The following FUCA1 variants were observed in gnomAD, a reference collection of about 807,000 sequenced individuals.
FUCA1 encodes the protein tissue alpha-L-fucosidase.
Under a neutral mutation model 56.8 loss-of-function variants are expected in FUCA1, and 52 were observed. The observed-to-expected ratio is 0.92, with a 90% CI of 0.73 to 1.15. The LOEUF (loss-of-function observed/expected upper bound fraction) is 1.15. Among genes scored for constraint, FUCA1 ranks in the 50% most tolerant of loss-of-function variants. FUCA1 has a pLI of 0.00. For missense variants in FUCA1, 568 were observed against 592.6 expected (o/e 0.96, Z 0.43); for synonymous variants, 230 against 226.6 (o/e 1.02, Z -0.14).
At position 23,867,023 on chromosome 1, in the gene FUCA1, G is replaced by A. The variant is rs1331371940; in HGVS notation, c.389+875C>T. 1.3e-5 allele frequency among the ~76,000 whole-genome samples: 2 copies of A among 152,164 alleles called. No individual in the cohort carries two copies. Among genetic ancestry groups the A allele is most frequent in the South Asian group, 2.1e-4 (1 of 4,830 alleles). On this transcript the variant is annotated intron_variant, in intron 1 of 7. Coordinates refer to ENST00000374479, the MANE Select transcript of FUCA1 (RefSeq NM_000147.5). This position sits in a 1 kb window ranked among gnomAD's most constrained non-coding sequence, Gnocchi z 4.9. ...AACGAAAACCCGGAAGATGGCTGAG[G>A]AACCAAGGTAAGGATGGAAGACTGC...
chr1:23,859,424 G>A (rs1557512715), intron 4 of FUCA1, among the ~76,000 whole-genome samples: 1 of 151,962 alleles, frequency 6.6e-6, no homozygotes, highest in South Asian at 2.1e-4. Context: ...AAAATCAGCC[G>A]GCCAGGTGGC....
At position 23,865,477 on chromosome 1, in the gene FUCA1, C is replaced by T; in HGVS notation, c.524+14G>A. The stretch of plus-strand genomic sequence containing the variant: ...TCCAAAGAGATAACAGAGTAACCAT[C>T]CCTGGACACTCACCTCTTCCGGAGA... On this transcript the variant is annotated intron_variant, in intron 2 of 7. Coordinates refer to ENST00000374479, the MANE Select transcript of FUCA1 (RefSeq NM_000147.5). 1 of 1,614,124 alleles carries T rather than the reference C, an allele frequency of 6.2e-7. No homozygotes were observed. Among genetic ancestry groups the T allele is most frequent in the Non-Finnish European group, 8.5e-7 (1 of 1,179,986 alleles).
At chr1:23,851,378 A>G (rs1639253983) in intron 5 of FUCA1, among the ~76,000 whole-genome samples, 1 of 131,398 alleles carries the variant, frequency 7.6e-6, no homozygotes, top group African/African-American at 2.9e-5. Context: ...AAATAAATAA[A>G]TATACACATA....
intron 5 of FUCA1, among the ~76,000 whole-genome samples, chr1:23,853,454 C>T (rs1168557869): frequency 6.6e-6 from 1 of 151,112 alleles, no homozygotes; most frequent in East Asian, 2.0e-4. Flanking sequence ...GGGTCAGCCC[C>T]CCGCCCAGCC....
chr1:23,853,193 C>G (rs1457352570), intron 5 of FUCA1, among the ~76,000 whole-genome samples: 3 of 150,080 alleles, frequency 2.0e-5, no homozygotes, highest in African/African-American at 7.4e-5. Context: ...TGAGGAGCGT[C>G]TCTGCCCAGC....
In FUCA1 at chr1:23,868,062, C is replaced by G; in HGVS notation, c.225G>C (p.Glu75Asp). The G allele has an allele frequency of 1.2e-6, 2 of 1,611,708 alleles. No homozygotes were observed. Among genetic ancestry groups the G allele is most frequent in the Non-Finnish European group, 8.5e-7 (1 of 1,179,538 alleles). Reference protein sequence around the residue: ...GVFSVPAWGSEWFWWHWQGEG... With the variant: ...GVFSVPAWGSDWFWWHWQGEG... ...CGCCCTGCCAGTGCCACCAGAACCA[C>G]TCGCTGCCCCAGGCGGGCACCGAGA... Residue 75 changes from glutamate (E) to aspartate (D), a missense_variant, in exon 1 of 8, where the codon GAG becomes GAC. Physicochemically the swap from Glu to Asp is conservative, Grantham distance 45. Coordinates refer to ENST00000374479, the MANE Select transcript of FUCA1 (RefSeq NM_000147.5).
intron 4 of FUCA1, among the ~76,000 whole-genome samples, chr1:23,857,501 C>G (rs1639416957): frequency 6.9e-6 from 1 of 145,502 alleles, no homozygotes; most frequent in East Asian, 2.0e-4. Context: ...GAAAACCACT[C>G]TTTTTTTTTT....
In FUCA1 at chr1:23,852,730, G is replaced by A. The variant is rs918656662; in HGVS notation, c.969+1630C>T. Among the ~76,000 whole-genome samples, 14 of 152,262 alleles carry A rather than the reference G, an allele frequency of 9.2e-5. No individual in the cohort carries two copies. In the East Asian group the frequency reaches 2.5e-3, roughly 27 times the overall value. On this transcript the variant is annotated intron_variant, in intron 5 of 7. Coordinates refer to ENST00000374479, the MANE Select transcript of FUCA1 (RefSeq NM_000147.5). ...TAACTGCGAGTGATCCGCCAGCCTC[G>A]GCCTCCAGAGGTGCCGGGATTGCAG...
chr1:23,863,267 T>C lies in FUCA1; in HGVS notation c.529A>G (p.Ile177Val). 1 of 1,613,048 alleles carries C rather than the reference T, an allele frequency of 6.2e-7. No homozygotes were observed. Among genetic ancestry groups the C allele is most frequent in the Non-Finnish European group, 8.5e-7 (1 of 1,179,870 alleles). ...ELGTALRKRN[I>V]RYGLYHSLLE... ...AGTGAGTGGTATAGTCCATAGCGGATGTTCCTTAAACAGAAAAACAGAACA... is the reference window on the plus strand; with the variant it reads ...AGTGAGTGGTATAGTCCATAGCGGACGTTCCTTAAACAGAAAAACAGAACA... The change falls in exon 3 of 8, where the codon ATC becomes GTC. Residue 177 changes from isoleucine to valine, a missense_variant. Ile to Val is a conservative substitution (Grantham distance 29, BLOSUM62 3). Transcript: ENST00000374479.
chr1:23,851,098 A>T (rs1015466543), intron 5 of FUCA1, among the ~76,000 whole-genome samples: 8 of 152,042 alleles, frequency 5.3e-5, no homozygotes, highest in African/African-American at 1.7e-4. Flanking sequence ...CTGTTTTTTC[A>T]TTCAGTGCTC....
chr1:23,851,383 C>CATACAT (rs1557507647), intron 5 of FUCA1, among the ~76,000 whole-genome samples: 7 of 146,974 alleles, frequency 4.8e-5, no homozygotes, highest in Admixed American at 2.1e-4. Flanking sequence ...AATAAATATA[C>CATACAT]ACATACATAC....
At chr1:23,858,495 T>G (rs1040393115) in intron 4 of FUCA1, among the ~76,000 whole-genome samples, 1 of 152,190 alleles carries the variant, frequency 6.6e-6, no homozygotes, top group African/African-American at 2.4e-5. Context: ...CAGTGAAGAT[T>G]AGGGTTTCCG....
Position 23,845,515 on chromosome 1 carries a change from G to T in FUCA1, c.*200C>A. 1.6e-6 allele frequency: 1 copy of T among 636,896 alleles called. No individual in the cohort carries two copies. 39.5% of individuals were successfully genotyped at this position (636,896 alleles called of 1,614,324 possible). On this transcript the variant is annotated 3_prime_UTR_variant, in exon 8 of 8. Transcript: ENST00000374479. ...TTCCTTCTTCTGCTGACCTGATACAGATATAATCACAATGGATCTCAGATC... is the reference window on the plus strand; with the variant it reads ...TTCCTTCTTCTGCTGACCTGATACATATATAATCACAATGGATCTCAGATC...
intron 4 of FUCA1, among the ~76,000 whole-genome samples, chr1:23,859,479 TC>T (rs1352713086): frequency 2.0e-5 from 3 of 151,076 alleles, no homozygotes; most frequent in African/African-American, 7.3e-5. Context: ...GGCAGGAGAA[TC>T]ACTTGAACTC....
rs1227826989 is a variant in FUCA1 at position 23,868,068 on chromosome 1, G to A, written c.219C>T (p.Gly73=). The A allele has an allele frequency of 6.2e-7, 1 of 1,611,652 alleles. No homozygotes were observed. Among genetic ancestry groups the A allele is most frequent in the South Asian group, 1.1e-5 (1 of 90,872 alleles). ...HWGVFSVPAW[G]SEWFWWHWQG... Reference sequence around the variant, plus strand: ...GCCAGTGCCACCAGAACCACTCGCTGCCCCAGGCGGGCACCGAGAACACGC... The same window carrying A: ...GCCAGTGCCACCAGAACCACTCGCTACCCCAGGCGGGCACCGAGAACACGC... The change falls in exon 1 of 8, where the codon GGC becomes GGT. Residue 73 remains glycine (G), a synonymous_variant. Coordinates refer to ENST00000374479, the MANE Select transcript of FUCA1 (RefSeq NM_000147.5).
At position 23,845,661 on chromosome 1, in the gene FUCA1, A is replaced by C; in HGVS notation, c.*54T>G. 1.2e-6 allele frequency: 2 copies of C among 1,611,482 alleles called. No individual in the cohort carries two copies. Among genetic ancestry groups the C allele is most frequent in the South Asian group, 2.2e-5 (2 of 91,018 alleles). ...TTATAGTGATGGTACTATAAGAGAA[A>C]AACTGAAGCAGGAAAACAGTGAGCA... On this transcript the variant is annotated 3_prime_UTR_variant, in exon 8 of 8. Transcript: ENST00000374479.
At chr1:23,851,896 T>C (rs932366685) in intron 5 of FUCA1, among the ~76,000 whole-genome samples, 1 of 151,856 alleles carries the variant, frequency 6.6e-6, no homozygotes, top group Non-Finnish European at 1.5e-5. Context: ...TTAGGACAAA[T>C]ACCTAATGCA....
intron 5 of FUCA1, among the ~76,000 whole-genome samples, chr1:23,849,841 A>G (rs1385068666): frequency 6.6e-6 from 1 of 151,718 alleles, no homozygotes; most frequent in African/African-American, 2.4e-5. Flanking sequence ...TCAGCCTCCC[A>G]AAGTGCTGGT....
chr1:23,861,289 C>T (rs926326169), intron 3 of FUCA1, among the ~76,000 whole-genome samples: 1 of 134,068 alleles, frequency 7.5e-6, no homozygotes, highest in Non-Finnish European at 1.5e-5. Flanking sequence ...CGCCACTGTA[C>T]TCCAGCCTGG....
Sources: allele counts gnomAD v4.1 joint callset (sites outside exome capture counted in the v4.1 genomes callset), GRCh38; gene constraint gnomAD v4.1.1; non-coding constraint Gnocchi (gnomAD v3.1); transcripts MANE v1.5; gene names NCBI Gene and HGNC (gene_info 2026-07-23, HGNC 2026-07-21).